GRID2: variants seen among roughly 807,000 people sequenced by gnomAD.
GRID2 encodes the protein glutamate receptor ionotropic, delta-2.
In GRID2, 33 loss-of-function variants were observed where a neutral mutation model predicts 114.8. That is an observed-to-expected ratio of 0.29 (90% CI 0.22 to 0.38). The LOEUF (loss-of-function observed/expected upper bound fraction) is 0.38. GRID2 is among the 10% of genes least tolerant of loss of function. The pLI is 1.00. For missense variants in GRID2, 1,184 were observed against 1,257.7 expected (o/e 0.94, Z 0.89); for synonymous variants, 505 against 449.9 (o/e 1.12, Z -1.55).
chr4:93,712,311 G>T (rs1358561173), intron 14 of GRID2, among the ~76,000 whole-genome samples: 1 of 151,842 alleles, frequency 6.6e-6, no homozygotes, highest in East Asian at 1.9e-4. Context: ...AGTGTGCTGT[G>T]AAATAGTGAT....
chr4:92,676,549 T>G (rs1560526707), intron 2 of GRID2, among the ~76,000 whole-genome samples: 1 of 152,084 alleles, frequency 6.6e-6, no homozygotes, highest in African/African-American at 2.4e-5. Context: ...TTTGTTTCTT[T>G]GTATGTCCTT....
At chr4:92,932,770 T>C (rs901496469) in intron 2 of GRID2, among the ~76,000 whole-genome samples, 6 of 151,246 alleles carry the variant, frequency 4.0e-5, no homozygotes, top group Non-Finnish European at 5.9e-5. Flanking sequence ...TGTGGATGAA[T>C]CTAAAAAAGT....
At chr4:93,678,689 T>A (rs1725180830) in intron 14 of GRID2, among the ~76,000 whole-genome samples, 1 of 150,796 alleles carries the variant, frequency 6.6e-6, no homozygotes, top group Non-Finnish European at 1.5e-5. Flanking sequence ...GCTTCATAAG[T>A]GAAGGATAAA....
At chr4:93,317,134 T>G (rs1756744437) in intron 8 of GRID2, among the ~76,000 whole-genome samples, 1 of 152,132 alleles carries the variant, frequency 6.6e-6, no homozygotes, top group South Asian at 2.1e-4. Context: ...GAGGTGATTT[T>G]TTTCTTTTAA....
At chr4:92,980,327 T>G (rs1215776197) in intron 2 of GRID2, among the ~76,000 whole-genome samples, 1 of 152,024 alleles carries the variant, frequency 6.6e-6, no homozygotes, top group African/African-American at 2.4e-5. Context: ...TTATGAGAAT[T>G]TAAAATTTTG....
chr4:93,109,304 A>G (rs1579012991), intron 3 of GRID2, among the ~76,000 whole-genome samples: 1 of 152,220 alleles, frequency 6.6e-6, no homozygotes, highest in South Asian at 2.1e-4. Context: ...TGTAAGATAG[A>G]ATTTATACAG....
At chr4:92,611,453 C>T (rs775200726) in intron 2 of GRID2, among the ~76,000 whole-genome samples, 5 of 151,426 alleles carry the variant, frequency 3.3e-5, no homozygotes, top group Admixed American at 6.6e-5. Flanking sequence ...ATCCTTATGC[C>T]GTCATTTAAC....
chr4:92,781,716 G>A (rs1027955718), intron 2 of GRID2, among the ~76,000 whole-genome samples: 2 of 151,664 alleles, frequency 1.3e-5, no homozygotes, highest in Non-Finnish European at 2.9e-5. Flanking sequence ...AGCTATTGAG[G>A]GATTCTAATA....
At chr4:93,573,657 A>T (rs533865029) in intron 13 of GRID2, among the ~76,000 whole-genome samples, 2 of 152,252 alleles carry the variant, frequency 1.3e-5, no homozygotes, top group South Asian at 4.1e-4. Context: ...GTATATCCAG[A>T]TCCCCCTTTA....
chr4:92,796,017 A>C (rs1308590898), intron 2 of GRID2, among the ~76,000 whole-genome samples: 1 of 151,952 alleles, frequency 6.6e-6, no homozygotes, highest in Non-Finnish European at 1.5e-5. Flanking sequence ...CAGTTTCTTT[A>C]GTAGGAATTT....
Position 93,317,819 on chromosome 4 carries a change from T to C in GRID2, c.1246-77788T>C, listed in dbSNP as rs80282595. ...GTCAATCACCTTCTTATTTTATCTC[T>C]TTAAGTAGTGAAGAGAGGTTATGTG... On this transcript the variant is annotated intron_variant, in intron 8 of 15. Coordinates refer to ENST00000282020, the MANE Select transcript of GRID2 (RefSeq NM_001510.4). Among the ~76,000 whole-genome samples, 392 of 151,636 alleles carry C rather than the reference T, an allele frequency of 2.6e-3. 9 individuals carry two copies. The East Asian group carries it at 0.052, about 20-fold the overall frequency.
At chr4:93,594,777 C>T (rs1014349522) in intron 13 of GRID2, among the ~76,000 whole-genome samples, 3 of 152,126 alleles carry the variant, frequency 2.0e-5, no homozygotes, top group South Asian at 2.1e-4. Flanking sequence ...TTAAGCCCGT[C>T]GGAAAAGCGC....
intron 2 of GRID2, among the ~76,000 whole-genome samples, chr4:92,781,242 T>C (rs754388863): frequency 3.3e-5 from 5 of 151,838 alleles, no homozygotes; most frequent in Non-Finnish European, 7.4e-5. Flanking sequence ...CAAGACTCCC[T>C]CTCAAAAAAA....
At chr4:93,604,935 A>G (rs1740061990) in intron 13 of GRID2, among the ~76,000 whole-genome samples, 2 of 152,238 alleles carry the variant, frequency 1.3e-5, no homozygotes, top group Non-Finnish European at 2.9e-5. Context: ...TGGGAAACCA[A>G]AAAGTCATGT....
chr4:92,938,635 A>T (rs1340883476), intron 2 of GRID2, among the ~76,000 whole-genome samples: 1 of 146,352 alleles, frequency 6.8e-6, no homozygotes, highest in African/African-American at 2.4e-5. Context: ...ACATATGTAT[A>T]CATGTACCAT....
At chr4:92,321,710 T>G (rs1726324302) in intron 1 of GRID2, among the ~76,000 whole-genome samples, 1 of 152,076 alleles carries the variant, frequency 6.6e-6, no homozygotes, top group Admixed American at 6.6e-5. Context: ...TATAAGAAAT[T>G]TAGAATCAAT....
intron 9 of GRID2, among the ~76,000 whole-genome samples, chr4:93,407,356 C>T (rs1348784033): frequency 6.6e-6 from 1 of 150,950 alleles, no homozygotes; most frequent in East Asian, 1.9e-4. Flanking sequence ...CAAGGGGAGA[C>T]CCACCATACT....
intron 8 of GRID2, among the ~76,000 whole-genome samples, chr4:93,313,190 A>G (rs995031722): frequency 1.3e-5 from 2 of 152,198 alleles, no homozygotes; most frequent in Non-Finnish European, 2.9e-5. Context: ...GGACATTGAC[A>G]TAATCTGAAA....
chr4:92,500,985 T>C (rs1416022564), intron 1 of GRID2, among the ~76,000 whole-genome samples: 3 of 152,140 alleles, frequency 2.0e-5, no homozygotes, highest in Non-Finnish European at 4.4e-5. Flanking sequence ...TGGTTCTCAT[T>C]CTTTCATTAG....
Sources: gnomAD v4.1 joint callset for allele counts (sites outside exome capture counted in the v4.1 genomes callset) on GRCh38, gnomAD v4.1.1 for gene constraint, MANE v1.5 for transcripts, NCBI Gene and HGNC (gene_info 2026-07-23, HGNC 2026-07-21) for gene names.